Variants in STAG1 observed in about 807,000 individuals in gnomAD.
STAG1 encodes the protein STAG1 cohesin complex component, also known as cohesin subunit SA-1.
STAG1 carries 26 observed loss-of-function variants against 170.9 expected under a neutral mutation model. The ratio of observed to expected loss-of-function variants is 0.15; its 90% CI spans 0.11 to 0.21. The LOEUF (loss-of-function observed/expected upper bound fraction) is 0.21, where lower values mean the gene tolerates loss of function less well. Among genes scored for constraint, STAG1 ranks in the 10% least tolerant of loss-of-function variants. The pLI, the probability that STAG1 is intolerant of heterozygous loss-of-function variation, is 1.00. For synonymous variants in STAG1, 514 were observed against 497.7 expected (o/e 1.03, Z -0.44); for missense variants, 964 against 1,509.5 (o/e 0.64, Z 5.99).
intron 1 of STAG1, among the ~76,000 whole-genome samples, chr3:136,670,004 G>A (rs754910363): frequency 6.6e-6 from 1 of 152,114 alleles, no homozygotes; most frequent in African/African-American, 2.4e-5. Flanking sequence ...AATTTTCAAT[G>A]ACTCCAATAT....
intron 5 of STAG1, among the ~76,000 whole-genome samples, chr3:136,545,544 A>C (rs767115323): frequency 4.6e-5 from 7 of 152,216 alleles, no homozygotes; most frequent in Non-Finnish European, 1.0e-4. Flanking sequence ...CCAGAAATGT[A>C]GAACTTAACA....
chr3:136,662,856 A>G (rs1160881429), intron 1 of STAG1, among the ~76,000 whole-genome samples: 1 of 152,200 alleles, frequency 6.6e-6, no homozygotes, highest in Non-Finnish European at 1.5e-5. Context: ...GTTCAAGACC[A>G]GCTTTGCCAA....
intron 1 of STAG1, among the ~76,000 whole-genome samples, chr3:136,648,681 TTTCCCCTTCTACCTACCCTTC>T (rs1355731590): frequency 2.0e-5 from 3 of 152,176 alleles, no homozygotes; most frequent in African/African-American, 7.2e-5. Flanking sequence ...TCAGTCTTGA[TTTCCCCTTCTACCTACCCTTC>T]TTCCCCTTCT....
chr3:136,675,574 T>C (rs973186370), intron 1 of STAG1, among the ~76,000 whole-genome samples: 1 of 152,118 alleles, frequency 6.6e-6, no homozygotes, highest in African/African-American at 2.4e-5. Context: ...TGCTATAAAA[T>C]TCACCCTTTC....
rs372031935 is a variant in STAG1 at position 136,422,926 on chromosome 3, T to C, written c.1743+26A>G. On this transcript the variant is annotated intron_variant, in intron 17 of 33. Coordinates refer to ENST00000383202, the MANE Select transcript of STAG1 (RefSeq NM_005862.3). ...TACAATGAAAGCAAACTCAGTGACA[T>C]AACAAAACTGTAAATGAAACTGTAC... is the stretch of plus-strand genomic sequence containing the variant. 7 of 1,589,078 alleles carry C rather than the reference T, an allele frequency of 4.4e-6. No individual in the cohort carries two copies. In the African/African-American group the frequency reaches 6.7e-5, roughly 15 times the overall value.
chr3:136,642,889 G>T (rs1940856380), intron 1 of STAG1, among the ~76,000 whole-genome samples: 1 of 152,144 alleles, frequency 6.6e-6, no homozygotes. Context: ...TCCTTGGCTT[G>T]TTGGAGCATT....
chr3:136,393,698 C>G (rs1242222667), intron 22 of STAG1, among the ~76,000 whole-genome samples: 4 of 148,520 alleles, frequency 2.7e-5, no homozygotes, highest in African/African-American at 1.0e-4. Context: ...TGGGTTCAGG[C>G]GATTCTCCTG....
rs372353982 is a variant in STAG1 at position 136,377,718 on chromosome 3, G to T, written c.2312C>A (p.Ser771Tyr). Residue 771 changes from serine to tyrosine, a missense_variant, in exon 23 of 34, where the codon TCC (serine) becomes TAC (tyrosine). Ser to Tyr is a moderately radical substitution (Grantham distance 144). Around this residue, in one of 11 missense-constraint regions of STAG1, gnomAD observed 232 missense variants for 313.0 expected, o/e 0.74. Transcript: ENST00000383202. ...DLLVLRKTVK[S>Y]FLAVCQQCLS... Reference sequence around the variant, plus strand: ...GCACTGCTGGCAAACAGCCAAAAAGGATTTCACCGTTTTCCTCAATACCAA... The same window carrying T: ...GCACTGCTGGCAAACAGCCAAAAAGTATTTCACCGTTTTCCTCAATACCAA... The T allele has an allele frequency of 1.1e-5, 18 of 1,613,854 alleles. No homozygotes were observed. In the African/African-American group the frequency reaches 2.3e-4, roughly 20 times the overall value.
intron 7 of STAG1, among the ~76,000 whole-genome samples, chr3:136,516,077 T>C (rs1934358755): frequency 6.6e-6 from 1 of 152,194 alleles, no homozygotes; most frequent in Non-Finnish European, 1.5e-5. Flanking sequence ...TTATACTACA[T>C]GGTCTATTCT....
At chr3:136,695,105 C>T (rs1349468453) in intron 1 of STAG1, among the ~76,000 whole-genome samples, 2 of 152,016 alleles carry the variant, frequency 1.3e-5, no homozygotes, top group Non-Finnish European at 2.9e-5. Flanking sequence ...TTGGCCTTGG[C>T]CTTCTAATTT....
chr3:136,384,077 C>G (rs1484041217), intron 22 of STAG1, among the ~76,000 whole-genome samples: 1 of 151,998 alleles, frequency 6.6e-6, no homozygotes, highest in Non-Finnish European at 1.5e-5. Context: ...AGACTGTGGT[C>G]TTAACCAGTA....
At chr3:136,476,732 T>C (rs1319254292) in intron 10 of STAG1, among the ~76,000 whole-genome samples, 2 of 152,186 alleles carry the variant, frequency 1.3e-5, no homozygotes, top group Admixed American at 1.3e-4. Flanking sequence ...TCTATTACAG[T>C]ACGTAAATGC....
intron 7 of STAG1, among the ~76,000 whole-genome samples, chr3:136,512,890 G>A (rs1048218302): frequency 6.6e-6 from 1 of 152,034 alleles, no homozygotes; most frequent in African/African-American, 2.4e-5. Context: ...TAACTACAGA[G>A]CCAAGAAACA....
At chr3:136,663,178 T>G (rs1304362831) in intron 1 of STAG1, among the ~76,000 whole-genome samples, 1 of 152,192 alleles carries the variant, frequency 6.6e-6, no homozygotes, top group African/African-American at 2.4e-5. Context: ...GCTGTTTGTT[T>G]TTTTAAAAAG....
intron 29 of STAG1, 131 bp from the exon 30 acceptor site, chr3:136,344,137 ACT>A (rs1467803918): frequency 1.7e-6 from 1 of 582,416 alleles, no homozygotes; most frequent in Non-Finnish European, 2.8e-6. Context: ...TCCACCACTT[ACT>A]TACATGACTT....
chr3:136,443,560 C>T (rs1472429502), intron 14 of STAG1, among the ~76,000 whole-genome samples, 156 bp from the exon 15 acceptor site: 3 of 152,190 alleles, frequency 2.0e-5, no homozygotes, highest in Admixed American at 6.5e-5. Context: ...TCACATTCCA[C>T]TGTCAATAGT....
At chr3:136,725,376 G>C (rs569466381) in intron 1 of STAG1, among the ~76,000 whole-genome samples, 2 of 152,240 alleles carry the variant, frequency 1.3e-5, no homozygotes, top group South Asian at 4.1e-4. Context: ...CATCAGTTGA[G>C]CTATTAACAT....
intron 6 of STAG1, among the ~76,000 whole-genome samples, chr3:136,541,582 A>ACACACACACACC (rs1283802944): frequency 6.7e-6 from 1 of 150,066 alleles, no homozygotes; most frequent in African/African-American, 2.5e-5. Flanking sequence ...ACACACACAC[A>ACACACACACACC]CACCAGGGGT....
intron 5 of STAG1, among the ~76,000 whole-genome samples, chr3:136,551,208 TGAGAGAGAGAGAGAGAGA>T (rs57609965): frequency 0.076 from 3,400 of 44,608 alleles, 131 homozygotes; most frequent in Middle Eastern, 0.24. Context: ...TGAGAGAGAG[TGAGAGAGAGAGAGAGAGA>T]GAGAGAGAGA....
Sources: gnomAD v4.1 joint callset for allele counts (sites outside exome capture counted in the v4.1 genomes callset) on GRCh38, gnomAD v4.1.1 for gene constraint, gnomAD v4.1.1 regional missense constraint, MANE v1.5 for transcripts, NCBI Gene and HGNC (gene_info 2026-07-23, HGNC 2026-07-21) for gene names.